The following TRHDE variants were observed in gnomAD, a reference collection of about 807,000 sequenced individuals.
The protein encoded by TRHDE is thyrotropin-releasing hormone-degrading ectoenzyme.
TRHDE carries 72 observed loss-of-function variants against 125.7 expected under a neutral mutation model. That is an observed-to-expected ratio of 0.57 (90% CI 0.47 to 0.70). The LOEUF (loss-of-function observed/expected upper bound fraction) is 0.70. Ranked by LOEUF, TRHDE falls within the 30% of genes least tolerant of loss-of-function variation. TRHDE has a pLI of 0.00. For synonymous variants in TRHDE, 509 were observed against 509.1 expected, an observed-to-expected ratio of 1.00 and a Z score of 0.00; for missense variants, 1,110 against 1,327.1, an observed-to-expected ratio of 0.84 and a Z score of 2.54.
intron 1 of TRHDE, among the ~76,000 whole-genome samples, chr12:72,283,668 G>GT (rs574342034): frequency 6.6e-6 from 1 of 151,998 alleles, no homozygotes; most frequent in Admixed American, 6.6e-5. Flanking sequence ...ATTGCACTAT[G>GT]TTTTTTCTCT....
chr12:72,232,320 G>A (rs930252470), intron 2 of TRHDE, among the ~76,000 whole-genome samples: 1 of 152,164 alleles, frequency 6.6e-6, no homozygotes, highest in Non-Finnish European at 1.5e-5. Context: ...CTGGCCTATA[G>A]AGGTGGTCCC....
At chr12:72,518,837 C>A (rs1222429794) in intron 6 of TRHDE, among the ~76,000 whole-genome samples, 1 of 152,056 alleles carries the variant, frequency 6.6e-6, no homozygotes, top group African/African-American at 2.4e-5. Flanking sequence ...TTAGGGCAGG[C>A]CTGGTGGTGA....
At chr12:72,340,616 C>CA (rs1207938677) in intron 2 of TRHDE, among the ~76,000 whole-genome samples, 1 of 151,980 alleles carries the variant, frequency 6.6e-6, no homozygotes, top group Non-Finnish European at 1.5e-5. Flanking sequence ...TGTTGTCCTG[C>CA]CGTGGGTGGC....
At chr12:72,228,523 C>T (rs753601954) in intron 2 of TRHDE, among the ~76,000 whole-genome samples, 2 of 152,214 alleles carry the variant, frequency 1.3e-5, no homozygotes, top group African/African-American at 2.4e-5. Context: ...CTGTGAAGAC[C>T]TCTGATGTGC....
intron 2 of TRHDE, among the ~76,000 whole-genome samples, chr12:72,129,323 A>G (rs1340291392): frequency 6.6e-6 from 1 of 152,250 alleles, no homozygotes. Flanking sequence ...ACAAAAAGAA[A>G]CAAAGAATAT....
At chr12:72,197,205 C>T (rs141808431) in intron 2 of TRHDE, among the ~76,000 whole-genome samples, 13 of 152,204 alleles carry the variant, frequency 8.5e-5, no homozygotes, top group African/African-American at 3.1e-4. Flanking sequence ...TTTTCTTATA[C>T]ATGCTCATGG....
At chr12:72,451,856 T>C (rs1013314038) in intron 3 of TRHDE, among the ~76,000 whole-genome samples, 7 of 152,202 alleles carry the variant, frequency 4.6e-5, no homozygotes, top group Non-Finnish European at 8.8e-5. Flanking sequence ...CGAGATGGCA[T>C]CTTGCTCTGT....
At chr12:72,499,458 A>G (rs761085396) in intron 5 of TRHDE, 40 bp from the exon 6 acceptor site, 14 of 1,603,238 alleles carry the variant, frequency 8.7e-6, no homozygotes, top group Non-Finnish European at 1.2e-5. Context: ...ATGTCTAACT[A>G]TGAATCACCT....
At chr12:72,451,182 C>CA (rs1186037069) in intron 3 of TRHDE, among the ~76,000 whole-genome samples, 4 of 151,716 alleles carry the variant, frequency 2.6e-5, no homozygotes, top group Admixed American at 6.6e-5. Flanking sequence ...AGGTTGTATC[C>CA]AAAAAAAATT....
chr12:72,454,993 C>T (rs4144986), intron 3 of TRHDE, among the ~76,000 whole-genome samples: 38,664 of 152,020 alleles, frequency 0.25, 5,739 homozygotes, highest in East Asian at 0.36. Context: ...CTTAGGCTTC[C>T]CCAAACACTG....
intron 2 of TRHDE, among the ~76,000 whole-genome samples, chr12:72,376,019 A>G (rs1871864635): frequency 6.6e-6 from 1 of 152,126 alleles, no homozygotes; most frequent in African/African-American, 2.4e-5. Flanking sequence ...CCAAAGGACT[A>G]TCTCTGGGCA....
At chr12:72,128,460 T>C (rs74812724) in intron 2 of TRHDE, among the ~76,000 whole-genome samples, 1 of 152,204 alleles carries the variant, frequency 6.6e-6, no homozygotes, top group Non-Finnish European at 1.5e-5. Flanking sequence ...TGATCCATCA[T>C]CATGCAATTG....
chr12:72,325,999 A>G (rs1565699638), intron 2 of TRHDE, among the ~76,000 whole-genome samples: 1 of 152,188 alleles, frequency 6.6e-6, no homozygotes, highest in South Asian at 2.1e-4. Flanking sequence ...ACAATGATCA[A>G]TTCAGTTCTC....
intron 7 of TRHDE, among the ~76,000 whole-genome samples, chr12:72,546,730 A>G (rs1482231074): frequency 1.3e-5 from 2 of 151,672 alleles, no homozygotes; most frequent in South Asian, 2.1e-4. Context: ...TGGCAGGGTT[A>G]TGGAAGTAAA....
At chr12:72,413,584 A>G (rs1873605677) in intron 3 of TRHDE, among the ~76,000 whole-genome samples, 1 of 151,906 alleles carries the variant, frequency 6.6e-6, no homozygotes, top group Non-Finnish European at 1.5e-5. Flanking sequence ...TATGTAATTA[A>G]TTTTATTTCT....
chr12:72,087,929 A>G (rs1406158419), intron 1 of TRHDE, among the ~76,000 whole-genome samples: 1 of 152,076 alleles, frequency 6.6e-6, no homozygotes, highest in Non-Finnish European at 1.5e-5. Flanking sequence ...TACAAGGTTG[A>G]GTTGTCTTGG....
chr12:72,650,500 C>T (rs1448290640), intron 15 of TRHDE, among the ~76,000 whole-genome samples: 2 of 151,868 alleles, frequency 1.3e-5, no homozygotes, highest in African/African-American at 4.8e-5. Context: ...TCTTCTTGAA[C>T]ATTGATATTG....
At chr12:72,198,604 A>G (rs1196281864) in intron 2 of TRHDE, among the ~76,000 whole-genome samples, 1 of 152,154 alleles carries the variant, frequency 6.6e-6, no homozygotes, top group African/African-American at 2.4e-5. Context: ...CTGGATTCTA[A>G]GCTAGAACAC....
At chr12:72,657,870 G>A (rs898438224) in intron 18 of TRHDE, among the ~76,000 whole-genome samples, 3 of 152,088 alleles carry the variant, frequency 2.0e-5, no homozygotes, top group Non-Finnish European at 4.4e-5. Context: ...GTTCTCCATT[G>A]TAAAATATAG....
Sources: allele counts gnomAD v4.1 joint callset (sites outside exome capture counted in the v4.1 genomes callset), GRCh38; gene constraint gnomAD v4.1.1; transcripts MANE v1.5; gene names NCBI Gene and HGNC (gene_info 2026-07-23, HGNC 2026-07-21).